The following BEND3 variants were observed in gnomAD, a reference collection of about 807,000 sequenced individuals.
BEND3 encodes BEN domain containing 3.
BEND3 carries 13 observed loss-of-function variants against 60.1 expected under a neutral mutation model. That is an observed-to-expected ratio of 0.22 (90% CI 0.14 to 0.34). The LOEUF (loss-of-function observed/expected upper bound fraction) is 0.34. Among genes scored for constraint, BEND3 ranks in the 10% least tolerant of loss-of-function variants. The probability of loss-of-function intolerance (pLI) is 1.00; values close to 1 mark genes in which losing one functional copy is unlikely to be tolerated. For missense variants in BEND3, 896 were observed against 1,138.1 expected, an observed-to-expected ratio of 0.79 and a Z score of 3.06; for synonymous variants, 497 against 491.5, an observed-to-expected ratio of 1.01 and a Z score of -0.15.
At position 107,112,565 on chromosome 6, in the gene BEND3, A is replaced by C. The variant is rs181001527; in HGVS notation, c.-12+2525T>G. ...GCATCTCTGGTATCAACAACAACAA[A>C]AAAAAACGCTGGGCGTGGTGGTACA... is the stretch of plus-strand genomic sequence containing the variant. On this transcript the variant is annotated intron_variant, in intron 1 of 3. Transcript: ENST00000369042. 6.3e-3 allele frequency among the ~76,000 whole-genome samples: 964 copies of C among 152,200 alleles called. 12 individuals carry two copies. Among genetic ancestry groups the C allele is most frequent in the African/African-American group, 0.022 (903 of 41,482 alleles).
At chr6:107,078,644 G>A (rs931486422) in intron 3 of BEND3, among the ~76,000 whole-genome samples, 1 of 149,872 alleles carries the variant, frequency 6.7e-6, no homozygotes, top group African/African-American at 2.5e-5. Flanking sequence ...TCTAAAGGCT[G>A]ACATGGAGCA....
rs1479773068 is a variant in BEND3, at chr6:107,066,238, T to C, written c.*2466A>G. The C allele has an allele frequency of 5.9e-5, 9 of 152,244 alleles. No homozygotes were observed. Among genetic ancestry groups the C allele is most frequent in the East Asian group, 1.9e-4 (1 of 5,184 alleles). 9.4% of individuals were successfully genotyped at this position (152,244 alleles called of 1,614,324 possible). ...AGTATTTTGTACTTCTATTGCTTCA[T>C]GTAAAAAATTTAAAATAAAAAAATG... is the stretch of plus-strand genomic sequence containing the variant. On this transcript the variant is annotated 3_prime_UTR_variant, in exon 4 of 4. Coordinates refer to ENST00000369042, the MANE Select transcript of BEND3 (RefSeq NM_001367314.1).
rs573342090 is a variant in BEND3 at position 107,102,235 on chromosome 6, T to C, written c.-11-2939A>G. Among the ~76,000 whole-genome samples the C allele has an allele frequency of 3.1e-4, 47 of 152,250 alleles. 1 individual carries two copies. In the East Asian group the frequency reaches 9.1e-3, roughly 29 times the overall value. On this transcript the variant is annotated intron_variant, in intron 1 of 3. Coordinates refer to ENST00000369042, the MANE Select transcript of BEND3 (RefSeq NM_001367314.1). ...ATGTGTCTCTGGCAGGCCCATCACA[T>C]AGGGAGCAGTGCAGGGCTGGAGTCC...
Position 107,070,780 on chromosome 6 carries a change from C to A in BEND3, c.411G>T (p.Lys137Asn). The A allele has an allele frequency of 6.2e-7, 1 of 1,614,142 alleles. No individual in the cohort carries two copies. Among genetic ancestry groups the A allele is most frequent in the Non-Finnish European group, 8.5e-7 (1 of 1,180,032 alleles). The change falls in exon 4 of 4, where the codon AAG becomes AAT. Residue 137 changes from lysine to asparagine, a missense_variant. By Grantham distance (94) the Lys-to-Asn change is moderately conservative. This residue lies in a region of BEND3 where 846 missense variants were observed against 1,036.7 expected (regional missense o/e 0.82). Coordinates refer to ENST00000369042, the MANE Select transcript of BEND3 (RefSeq NM_001367314.1). The surrounding 1 kb of genome is among the most constrained non-coding windows in gnomAD (Gnocchi z 6.9). ...AGGGAGGATTCTTCTTCTCCATGATCTTGTGCGAGATGCCATACAGAGGCT... is the reference window on the plus strand; with the variant it reads ...AGGGAGGATTCTTCTTCTCCATGATATTGTGCGAGATGCCATACAGAGGCT... ...YKKPLYGISH[K>N]IMEKKNPPSG...
intron 1 of BEND3, among the ~76,000 whole-genome samples, chr6:107,104,602 A>T (rs1193588304): frequency 6.6e-6 from 1 of 152,020 alleles, no homozygotes; most frequent in African/African-American, 2.4e-5. Flanking sequence ...TAATAATACA[A>T]TGTAAGTGGT....
rs938414332 is a variant in BEND3 at position 107,069,019 on chromosome 6, C to T, written c.2172G>A (p.Lys724=). 1.9e-6 allele frequency: 3 copies of T among 1,613,770 alleles called. No homozygotes were observed. Among genetic ancestry groups the T allele is most frequent in the African/African-American group, 1.3e-5 (1 of 75,048 alleles). Residue 724 remains lysine, a synonymous_variant, in exon 4 of 4, where the codon AAG becomes AAA. Coordinates refer to ENST00000369042, the MANE Select transcript of BEND3 (RefSeq NM_001367314.1). ...PVPSPYLLSD[K]EVREIVQQSL... is the part of the protein sequence containing the mutation. Reference sequence around the variant, plus strand: ...TCTGCTGCACGATCTCACGCACCTCCTTGTCAGACAGCAGGTAGGGAGAAG... The same window carrying T: ...TCTGCTGCACGATCTCACGCACCTCTTTGTCAGACAGCAGGTAGGGAGAAG...
At chr6:107,113,725 A>G (rs1453251291) in intron 1 of BEND3, among the ~76,000 whole-genome samples, 1 of 152,122 alleles carries the variant, frequency 6.6e-6, no homozygotes, top group African/African-American at 2.4e-5. Flanking sequence ...AGGCTCTTGT[A>G]TGGTAGTATA....
chr6:107,112,173 T>C (rs868959846), intron 1 of BEND3, among the ~76,000 whole-genome samples: 14 of 152,302 alleles, frequency 9.2e-5, no homozygotes, highest in South Asian at 4.1e-4. Context: ...AACATGCTGT[T>C]TTCCTTCTCA....
At chr6:107,082,345 C>CAG (rs1456022669) in intron 3 of BEND3, among the ~76,000 whole-genome samples, 8 of 152,196 alleles carry the variant, frequency 5.3e-5, no homozygotes, top group Non-Finnish European at 1.2e-4. Flanking sequence ...GAGGTTATTC[C>CAG]AGACTACCCA....
rs116368474 is a variant in BEND3, at chr6:107,108,720, G to T, written c.-12+6370C>A. ...ATTGAGCAATCAATGCCCTGATACT[G>T]ATGCAACTGTGTTTCACTAGTCAGA... On this transcript the variant is annotated intron_variant, in intron 1 of 3. Transcript: ENST00000369042. Among the ~76,000 whole-genome samples the T allele has an allele frequency of 6.2e-3, 942 of 152,296 alleles. 17 individuals carry two copies. The highest frequency in any genetic ancestry group is 0.022 in the African/African-American group (921 of 41,560).
Position 107,068,689 on chromosome 6 carries a change from G to T in BEND3, c.*15C>A. 6.2e-7 allele frequency: 1 copy of T among 1,606,364 alleles called. No homozygotes were observed. Among genetic ancestry groups the T allele is most frequent in the Non-Finnish European group, 8.5e-7 (1 of 1,176,358 alleles). On this transcript the variant is annotated 3_prime_UTR_variant, in exon 4 of 4. Coordinates refer to ENST00000369042, the MANE Select transcript of BEND3 (RefSeq NM_001367314.1). This position sits in a 1 kb window ranked among gnomAD's most constrained non-coding sequence, Gnocchi z 5.8. ...GCCTCTGGTGACCCCGAATCTCTGG[G>T]CAGGTCACGGGCCTTCACTTCTCCA...
At chr6:107,105,835 G>A (rs1159535606) in intron 1 of BEND3, among the ~76,000 whole-genome samples, 1 of 152,158 alleles carries the variant, frequency 6.6e-6, no homozygotes, top group Non-Finnish European at 1.5e-5. Flanking sequence ...TGCCACTCAG[G>A]GGCAAATCCC....
At position 107,070,911 on chromosome 6, in the gene BEND3, G is replaced by T; in HGVS notation, c.280C>A (p.Pro94Thr). Residue 94 changes from proline (P) to threonine (T), a missense_variant, in exon 4 of 4, where the codon CCC becomes ACC. Transcript: ENST00000369042. The surrounding 1 kb of genome is among the most constrained non-coding windows in gnomAD (Gnocchi z 6.9). ...GCCTGCTCACCATTGCCTTGGCAGG[G>T]CGAGCTGTTCTCACGGTTCCGCATG... ...AGMRNRENSS[P>T]CQGNGEQAGR... is the part of the protein sequence containing the mutation. 6.2e-7 allele frequency: 1 copy of T among 1,613,684 alleles called. No homozygotes were observed. Among genetic ancestry groups the T allele is most frequent in the Non-Finnish European group, 8.5e-7 (1 of 1,179,906 alleles).
chr6:107,080,524 G>A (rs1289475567), intron 3 of BEND3, among the ~76,000 whole-genome samples: 1 of 152,028 alleles, frequency 6.6e-6, no homozygotes, highest in Admixed American at 6.6e-5. Flanking sequence ...CCTGAATTAA[G>A]ACTAGTACTT....
intron 3 of BEND3, among the ~76,000 whole-genome samples, chr6:107,078,554 A>C (rs1554233046): frequency 7.2e-4 from 10 of 13,844 alleles, no homozygotes; most frequent in African/African-American, 9.0e-4. Context: ...TCCTGGGTTC[A>C]TGCCATTCTC....
chr6:107,105,318 C>G (rs997254228), intron 1 of BEND3, among the ~76,000 whole-genome samples: 7 of 150,828 alleles, frequency 4.6e-5, no homozygotes, highest in African/African-American at 9.8e-5. Flanking sequence ...TTGCAGTGAG[C>G]CGAGATCGCG....
chr6:107,108,148 G>GT (rs1562317824), intron 1 of BEND3, among the ~76,000 whole-genome samples: 1 of 152,232 alleles, frequency 6.6e-6, no homozygotes, highest in East Asian at 1.9e-4. Flanking sequence ...TTCTAAAGCT[G>GT]TAATTGTAGC....
chr6:107,070,736 A>G lies in BEND3; in HGVS notation c.455T>C (p.Val152Ala), dbSNP rs1200850643. Residue 152 changes from valine (V) to alanine (A), a missense_variant, in exon 4 of 4, where the codon GTG (valine) becomes GCG (alanine). Val to Ala is a moderately conservative substitution (Grantham distance 64). This residue lies in a region of BEND3 where 846 missense variants were observed against 1,036.7 expected (regional missense o/e 0.82). Transcript: ENST00000369042. The surrounding 1 kb of genome is among the most constrained non-coding windows in gnomAD (Gnocchi z 6.9). ...KNPPSGDLLN[V>A]YELFEKANAS... is the part of the protein sequence containing the mutation. ...GTTTGCCTTCTCAAAGAGCTCGTAC[A>G]CGTTTAGCAGGTCCCCCGAGGGAGG... 2.5e-6 allele frequency: 4 copies of G among 1,613,814 alleles called. No homozygotes were observed. The African/African-American group carries it at 5.3e-5, about 22-fold the overall frequency.
rs782542029 is a variant in BEND3 at position 107,069,744 on chromosome 6, G to A, written c.1447C>T (p.Leu483=). Residue 483 remains leucine, a synonymous_variant, in exon 4 of 4, where the codon CTG becomes TTG. Coordinates refer to ENST00000369042, the MANE Select transcript of BEND3 (RefSeq NM_001367314.1). The stretch of plus-strand genomic sequence containing the variant: ...CCTTCACTGCCCGCGTCCAGCCCCA[G>A]GCCCTCGAGCTCGTCGTTGATGCGC... ...AQRINDELEG[L]GLDAGSEGDP... 5.6e-6 allele frequency: 9 copies of A among 1,612,128 alleles called. No individual in the cohort carries two copies. Among genetic ancestry groups the A allele is most frequent in the Non-Finnish European group, 7.6e-6 (9 of 1,180,016 alleles).
Sources: allele counts gnomAD v4.1 joint callset (sites outside exome capture counted in the v4.1 genomes callset), GRCh38; gene constraint gnomAD v4.1.1; regional missense constraint gnomAD v4.1.1; non-coding constraint Gnocchi (gnomAD v3.1); transcripts MANE v1.5; gene names NCBI Gene and HGNC (gene_info 2026-07-23, HGNC 2026-07-21).